STK31: variants seen among roughly 807,000 people sequenced by gnomAD.
STK31 encodes serine/threonine-protein kinase 31.
A neutral mutation model predicts 129.7 loss-of-function variants in STK31; 89 were observed. The ratio of observed to expected loss-of-function variants is 0.69; its 90% CI spans 0.58 to 0.82. The LOEUF is 0.82. Among genes scored for constraint, STK31 ranks in the 40% least tolerant of loss-of-function variants. The pLI is 0.00. For missense variants in STK31, 1,187 were observed against 1,176.4 expected, an observed-to-expected ratio of 1.01 and a Z score of -0.13; for synonymous variants, 448 against 395.3, an observed-to-expected ratio of 1.13 and a Z score of -1.58.
At position 23,720,224 on chromosome 7, in the gene STK31, T is replaced by A. The variant is rs932545178; in HGVS notation, c.249+2645T>A. On this transcript the variant is annotated intron_variant, in intron 4 of 23. Coordinates refer to ENST00000355870, the MANE Select transcript of STK31 (RefSeq NM_031414.5). ...TGAACATGGCATGGGTCCCAAAGAT[T>A]ACGATATGTTTCAGAACAGGATTTT... Among the ~76,000 whole-genome samples, 3 of 152,162 alleles carry A rather than the reference T, an allele frequency of 2.0e-5. No individual in the cohort carries two copies. In the East Asian group the frequency reaches 5.8e-4, roughly 29 times the overall value.
At chr7:23,798,860 C>T (rs1792182197) in intron 22 of STK31, among the ~76,000 whole-genome samples, 2 of 152,096 alleles carry the variant, frequency 1.3e-5, no homozygotes, top group African/African-American at 4.8e-5. Context: ...TCATCTCAGC[C>T]CAAAATCTCC....
intron 11 of STK31, among the ~76,000 whole-genome samples, chr7:23,766,487 C>G (rs965592423): frequency 6.6e-6 from 1 of 152,168 alleles, no homozygotes; most frequent in Non-Finnish European, 1.5e-5. Flanking sequence ...CTTCTGACCT[C>G]GAGTGATCCG....
Position 23,719,959 on chromosome 7 carries a change from T to TA in STK31, c.249+2381dup, listed in dbSNP as rs201657549. Among the ~76,000 whole-genome samples the TA allele has an allele frequency of 2.0e-4, 30 of 152,244 alleles. No homozygotes were observed. The East Asian group carries it at 5.0e-3, about 25-fold the overall frequency. ...TCTCAAATTTTTTCCCTTTAAGAAA[T>TA]ATATAATCCATGTAATACTAGTAAA... On this transcript the variant is annotated intron_variant, in intron 4 of 23. Coordinates refer to ENST00000355870, the MANE Select transcript of STK31 (RefSeq NM_031414.5).
intron 23 of STK31, among the ~76,000 whole-genome samples, chr7:23,824,402 T>G (rs1025024763): frequency 3.3e-5 from 5 of 152,032 alleles, no homozygotes; most frequent in African/African-American, 4.8e-5. Flanking sequence ...CTCTGTTTGT[T>G]TGTTATTGGT....
At chr7:23,738,401 A>G (rs1422243171) in intron 8 of STK31, among the ~76,000 whole-genome samples, 3 of 4,470 alleles carry the variant, frequency 6.7e-4, no homozygotes, top group African/African-American at 7.2e-4. Flanking sequence ...TTGTTTTGAG[A>G]CAGTCTTGCA....
chr7:23,783,383 C>T (rs1791054124), intron 16 of STK31, among the ~76,000 whole-genome samples, 200 bp from the exon 17 acceptor site: 1 of 152,090 alleles, frequency 6.6e-6, no homozygotes, highest in Non-Finnish European at 1.5e-5. Flanking sequence ...CTTCTCAGGC[C>T]ATGTTTAATT....
chr7:23,820,330 T>G (rs1450301335), intron 23 of STK31, among the ~76,000 whole-genome samples: 1 of 152,132 alleles, frequency 6.6e-6, no homozygotes, highest in African/African-American at 2.4e-5. Context: ...GAATACTGTG[T>G]TTTTGATCTG....
At chr7:23,761,688 G>T (rs1263562393) in intron 10 of STK31, among the ~76,000 whole-genome samples, 1 of 151,154 alleles carries the variant, frequency 6.6e-6, no homozygotes, top group African/African-American at 2.4e-5. Flanking sequence ...GATTACAGGC[G>T]TGGGCCACCG....
chr7:23,772,718 C>T (rs1446976775), intron 15 of STK31, among the ~76,000 whole-genome samples: 1 of 152,024 alleles, frequency 6.6e-6, no homozygotes, highest in Admixed American at 6.6e-5. Flanking sequence ...ATATTTCTTG[C>T]AAGTATTTTA....
chr7:23,818,044 A>C (rs1793569273), intron 23 of STK31, among the ~76,000 whole-genome samples: 1 of 152,004 alleles, frequency 6.6e-6, no homozygotes. Flanking sequence ...CACAGTTATC[A>C]CACCTTATAA....
At position 23,779,571 on chromosome 7, in the gene STK31, G is replaced by A. The variant is rs147377598; in HGVS notation, c.1966-1848G>A. On this transcript the variant is annotated intron_variant, in intron 15 of 23. Transcript: ENST00000355870. Reference sequence around the variant, plus strand: ...AATCTAGAGAGGCGGTCTGGCTACAGAGGCTTTGCTGGGCTGCGGTGAGCT... The same window carrying A: ...AATCTAGAGAGGCGGTCTGGCTACAAAGGCTTTGCTGGGCTGCGGTGAGCT... 1.7e-4 allele frequency among the ~76,000 whole-genome samples: 26 copies of A among 152,308 alleles called. No homozygotes were observed. The East Asian group carries it at 2.9e-3, about 17-fold the overall frequency.
intron 15 of STK31, among the ~76,000 whole-genome samples, chr7:23,780,435 G>A (rs1285575373): frequency 6.6e-6 from 1 of 152,164 alleles, no homozygotes; most frequent in Admixed American, 6.5e-5. Flanking sequence ...AGATGATTTT[G>A]AGGGCTTAAA....
rs182839199 is a variant in STK31, at chr7:23,819,011, G to T, written c.2829+3799G>T. Among the ~76,000 whole-genome samples, 1,303 of 152,052 alleles carry T rather than the reference G, an allele frequency of 8.6e-3. 10 individuals are homozygous for T. The highest frequency in any genetic ancestry group is 0.014 in the Non-Finnish European group (962 of 67,972). ...TTATAATTAACTTGTTTGGTCTCAAGGAAAAAAATTATATTTTTATTGGAT... is the reference window on the plus strand; with the variant it reads ...TTATAATTAACTTGTTTGGTCTCAATGAAAAAAATTATATTTTTATTGGAT... On this transcript the variant is annotated intron_variant, in intron 23 of 23. Coordinates refer to ENST00000355870, the MANE Select transcript of STK31 (RefSeq NM_031414.5).
intron 6 of STK31, among the ~76,000 whole-genome samples, chr7:23,729,839 TAATG>T (rs1787298116): frequency 1.3e-5 from 2 of 152,102 alleles, no homozygotes; most frequent in Non-Finnish European, 2.9e-5. Context: ...ATGGAGAAAA[TAATG>T]AATACAGTTA....
At chr7:23,719,317 A>T (rs1022979928) in intron 4 of STK31, among the ~76,000 whole-genome samples, 5 of 152,146 alleles carry the variant, frequency 3.3e-5, no homozygotes, top group African/African-American at 1.2e-4. Flanking sequence ...ATGAAAGACA[A>T]TATGAAAAAG....
intron 8 of STK31, among the ~76,000 whole-genome samples, chr7:23,742,306 C>T (rs1788096653): frequency 6.6e-6 from 1 of 152,228 alleles, no homozygotes. Flanking sequence ...TCAACAGCAG[C>T]TTGTAGCAGG....
rs555422387 is a variant in STK31, at chr7:23,827,440, A to T, written c.2830-4696A>T. ...ATGTATTTCTCGTGCCATGGTTTTC[A>T]GCTCCATGAGGTCCTTTAAGGACTT... On this transcript the variant is annotated intron_variant, in intron 23 of 23. Transcript: ENST00000355870. Among the ~76,000 whole-genome samples, 4 of 152,142 alleles carry T rather than the reference A, an allele frequency of 2.6e-5. No individual in the cohort carries two copies. In the East Asian group the frequency reaches 7.7e-4, roughly 29 times the overall value.
chr7:23,763,068 G>T (rs896002067), intron 11 of STK31, 145 bp downstream of exon 11: 1 of 694,996 alleles, frequency 1.4e-6, no homozygotes, highest in Non-Finnish European at 2.2e-6. Context: ...CTTTTTAATG[G>T]GATTAAAAGT....
chr7:23,769,474 C>T (rs1472546933), intron 12 of STK31, among the ~76,000 whole-genome samples, 166 bp from the exon 13 acceptor site: 1 of 152,050 alleles, frequency 6.6e-6, no homozygotes, highest in Non-Finnish European at 1.5e-5. Context: ...TGTACCTTTT[C>T]CTTTCAGTGC....
Sources: gnomAD v4.1 joint callset for allele counts (sites outside exome capture counted in the v4.1 genomes callset) on GRCh38, gnomAD v4.1.1 for gene constraint, MANE v1.5 for transcripts, NCBI Gene and HGNC (gene_info 2026-07-23, HGNC 2026-07-21) for gene names.